Variants in ITGAL observed in about 807,000 individuals in gnomAD.
ITGAL encodes the protein integrin alpha-L.
ITGAL carries 68 observed loss-of-function variants against 138.4 expected under a neutral mutation model. The observed-to-expected ratio is 0.49, with a 90% CI of 0.40 to 0.60. ITGAL has a LOEUF of 0.60. ITGAL is among the 20% of genes least tolerant of loss of function. ITGAL has a pLI of 0.00. For synonymous variants in ITGAL, 561 were observed against 584.3 expected (o/e 0.96, Z 0.57); for missense variants, 1,256 against 1,478.6 (o/e 0.85, Z 2.47).
intron 11 of ITGAL, among the ~76,000 whole-genome samples, chr16:30,490,096 G>A (rs187924154): frequency 9.2e-5 from 14 of 151,854 alleles, no homozygotes; most frequent in South Asian, 2.1e-4. Context: ...GCATGATGGC[G>A]GGTGCCTTTA....
In ITGAL at chr16:30,483,836, G is replaced by A. The variant is rs746092753; in HGVS notation, c.732G>A (p.Val244=). Residue 244 remains valine (V), a synonymous_variant, in exon 8 of 31, where the codon GTG becomes GTA. Transcript: ENST00000356798. ...FGAINYVATE[V]FREELGARPD... is the part of the protein sequence containing the mutation. ...CCTTTCCTGGACACAGGACAGAGGT[G>A]TTCCGGGAGGAGCTGGGGGCCCGGC... The A allele has an allele frequency of 5.0e-6, 8 of 1,613,424 alleles. No homozygotes were observed. In the East Asian group the frequency reaches 1.6e-4, roughly 31 times the overall value.
intron 11 of ITGAL, among the ~76,000 whole-genome samples, chr16:30,492,127 G>C (rs898845432): frequency 6.6e-6 from 1 of 152,114 alleles, no homozygotes; most frequent in Non-Finnish European, 1.5e-5. Flanking sequence ...GCCCAATCTT[G>C]GGTCCAATTT....
intron 11 of ITGAL, among the ~76,000 whole-genome samples, chr16:30,493,519 A>T (rs2050755763): frequency 6.6e-6 from 1 of 151,126 alleles, no homozygotes; most frequent in Non-Finnish European, 1.5e-5. Context: ...CTTGTGATCC[A>T]CCTGCCTCGG....
At chr16:30,517,572 G>A (rs764960877) in intron 26 of ITGAL, 77 bp from the exon 27 acceptor site, 10 of 1,254,172 alleles carry the variant, frequency 8.0e-6, no homozygotes, top group Non-Finnish European at 1.2e-5. Flanking sequence ...CCAGGGCCAG[G>A]GCAGGGGAAA....
In ITGAL at chr16:30,499,216, C is replaced by G. The variant is rs766352989; in HGVS notation, c.1975C>G (p.Leu659Val). The G allele has an allele frequency of 4.3e-6, 7 of 1,614,192 alleles. No homozygotes were observed. The highest frequency in any genetic ancestry group is 1.3e-5 in the African/African-American group (1 of 75,050). ...CACAATCTGTTTCCAGATCAAGTCT[C>G]TCATCCCCCAGTTCCAAGGTCAGAG... ...NITICFQIKS[L>V]IPQFQGRLVA... Residue 659 changes from leucine to valine, a missense_variant, in exon 16 of 31, where the codon CTC becomes GTC. This residue lies in a region of ITGAL where 867 missense variants were observed against 972.5 expected (regional missense o/e 0.89). Transcript: ENST00000356798.
intron 21 of ITGAL, 84 bp from the exon 22 acceptor site, chr16:30,510,277 G>A (rs1296481755): frequency 1.9e-5 from 15 of 779,484 alleles, no homozygotes; most frequent in African/African-American, 3.4e-5. Flanking sequence ...AGCCCCTGGG[G>A]GAGGTAGGCC....
chr16:30,504,069 A>T (rs1398096375), intron 17 of ITGAL, 106 bp from the exon 18 acceptor site: 1 of 870,940 alleles, frequency 1.1e-6, no homozygotes, highest in Non-Finnish European at 1.9e-6. Flanking sequence ...TAGACAAAGA[A>T]CTACCAGAAT....
At chr16:30,488,996 C>G in intron 9 of ITGAL, 86 bp from the exon 10 acceptor site, 2 of 1,108,208 alleles carry the variant, frequency 1.8e-6, no homozygotes, top group Non-Finnish European at 2.8e-6. Flanking sequence ...GAAGTAAATA[C>G]CTCACTTCTT....
chr16:30,473,326 G>A (rs957777121), intron 1 of ITGAL, among the ~76,000 whole-genome samples: 1 of 152,142 alleles, frequency 6.6e-6, no homozygotes, highest in East Asian at 1.9e-4. Context: ...CCAGCTACTC[G>A]GGAGGCTGAG....
chr16:30,491,321 A>G (rs987684309), intron 11 of ITGAL, among the ~76,000 whole-genome samples: 1 of 151,872 alleles, frequency 6.6e-6, no homozygotes, highest in African/African-American at 2.4e-5. Context: ...GAATCTCTTG[A>G]ACTCTGGAGG....
At chr16:30,478,029 AGAAG>A (rs1187105582) in intron 4 of ITGAL, among the ~76,000 whole-genome samples, 1 of 151,168 alleles carries the variant, frequency 6.6e-6, no homozygotes, top group African/African-American at 2.4e-5. Flanking sequence ...GGAAGGAAGG[AGAAG>A]GAAGGAAGGA....
Position 30,494,768 on chromosome 16 carries a change from A to G in ITGAL, c.1421A>G (p.Glu474Gly). 1 of 1,613,330 alleles carries G rather than the reference A, an allele frequency of 6.2e-7. No individual in the cohort carries two copies. Among genetic ancestry groups the G allele is most frequent in the Non-Finnish European group, 8.5e-7 (1 of 1,179,538 alleles). ...GGCGTCGACGTGGACCAAGATGGGG[A>G]GACAGAGCTGCTGCTGATTGGTGCC... ...LCGVDVDQDG[E>G]TELLLIGAPL... Residue 474 changes from glutamate to glycine, a missense_variant, in exon 13 of 31, where the codon GAG becomes GGG. Coordinates refer to ENST00000356798, the MANE Select transcript of ITGAL (RefSeq NM_002209.3). This position sits in a 1 kb window ranked among gnomAD's most constrained non-coding sequence, Gnocchi z 4.2.
intron 17 of ITGAL, among the ~76,000 whole-genome samples, chr16:30,502,269 G>C (rs567592121): frequency 5.3e-4 from 80 of 149,594 alleles, no homozygotes; most frequent in Admixed American, 3.1e-3. Flanking sequence ...TGGTGGTGGG[G>C]GCCTGTAGTC....
intron 22 of ITGAL, among the ~76,000 whole-genome samples, 171 bp from the exon 23 acceptor site, chr16:30,510,710 G>A (rs1021443351): frequency 1.8e-4 from 27 of 152,154 alleles, no homozygotes; most frequent in African/African-American, 3.1e-4. Context: ...TAACTTAACC[G>A]TCTGGAGCCT....
intron 17 of ITGAL, among the ~76,000 whole-genome samples, chr16:30,502,532 AG>A (rs1179659227): frequency 1.3e-5 from 2 of 151,636 alleles, no homozygotes; most frequent in African/African-American, 4.8e-5. Context: ...GGATCACTTG[AG>A]GTCAGGAGTT....
chr16:30,492,559 T>G (rs1232083583), intron 11 of ITGAL, among the ~76,000 whole-genome samples: 1 of 139,452 alleles, frequency 7.2e-6, no homozygotes, highest in Non-Finnish European at 1.5e-5. Context: ...GCCAACATGG[T>G]ATCTTTTTTT....
At chr16:30,482,386 G>C (rs2050573967) in intron 7 of ITGAL, among the ~76,000 whole-genome samples, 1 of 152,122 alleles carries the variant, frequency 6.6e-6, no homozygotes, top group Admixed American at 6.6e-5. Flanking sequence ...AGATCATGAG[G>C]GTCTGGATGG....
chr16:30,505,018 TAA>T (rs5816509), intron 18 of ITGAL: 4,385 of 246,340 alleles, frequency 0.018, no homozygotes, highest in East Asian at 0.033. Flanking sequence ...AAGACAGTCT[TAA>T]AAAAAAAAAA....
At chr16:30,515,412 C>T (rs954076673) in intron 25 of ITGAL, among the ~76,000 whole-genome samples, 3 of 152,208 alleles carry the variant, frequency 2.0e-5, no homozygotes, top group Non-Finnish European at 4.4e-5. Context: ...CTTTCCAGCT[C>T]ATGCCTGCAG....
Sources: gnomAD v4.1 joint callset for allele counts (sites outside exome capture counted in the v4.1 genomes callset) on GRCh38, gnomAD v4.1.1 for gene constraint, gnomAD v4.1.1 regional missense constraint, Gnocchi (gnomAD v3.1) non-coding constraint, MANE v1.5 for transcripts, NCBI Gene and HGNC (gene_info 2026-07-23, HGNC 2026-07-21) for gene names.